DNAAF5: variants seen among roughly 807,000 people sequenced by gnomAD.
The protein encoded by DNAAF5 is dynein axonemal assembly factor 5, also known as HEAT repeat containing 2.
DNAAF5 carries 64 observed loss-of-function variants against 75.8 expected under a neutral mutation model. The ratio of observed to expected loss-of-function variants is 0.84; its 90% CI spans 0.69 to 1.04. DNAAF5 has a LOEUF of 1.04. Among genes scored for constraint, DNAAF5 ranks in the 50% least tolerant of loss-of-function variants. The pLI, the probability that DNAAF5 is intolerant of heterozygous loss-of-function variation, is 0.00. For missense variants in DNAAF5, 1,269 were observed against 1,178.5 expected (o/e 1.08, Z -1.12); for synonymous variants, 657 against 557.2 (o/e 1.18, Z -2.52).
chr7:752,208 C>T (rs1226894601), intron 4 of DNAAF5, among the ~76,000 whole-genome samples: 1 of 152,252 alleles, frequency 6.6e-6, no homozygotes, highest in African/African-American at 2.4e-5. Flanking sequence ...CACTCATACA[C>T]CAGAAAGTGA....
chr7:779,484 C>A (rs959854641), intron 11 of DNAAF5, among the ~76,000 whole-genome samples: 3 of 152,244 alleles, frequency 2.0e-5, no homozygotes, highest in Non-Finnish European at 2.9e-5. Context: ...GATCATCCTT[C>A]TGTTTTCAGC....
rs1032082004 is a variant in DNAAF5, at chr7:774,210, C to T, written c.2082+12C>T. The T allele has an allele frequency of 1.1e-5, 18 of 1,596,704 alleles. No homozygotes were observed. The highest frequency in any genetic ancestry group is 1.5e-5 in the Non-Finnish European group (18 of 1,175,014). ...TGTCGGCAGAGCAGGTACGGGGCTC[C>T]CTGCGTGCTCGGTGGACACCGGCCG... On this transcript the variant is annotated intron_variant, in intron 10 of 12. Coordinates refer to ENST00000297440, the MANE Select transcript of DNAAF5 (RefSeq NM_017802.4).
chr7:732,794 C>T (rs1407606803), intron 2 of DNAAF5, among the ~76,000 whole-genome samples: 2 of 152,148 alleles, frequency 1.3e-5, no homozygotes, highest in Non-Finnish European at 2.9e-5. Flanking sequence ...GTTGTCTCCT[C>T]ACTATTGATT....
chr7:744,464 A>T (rs181054075), intron 4 of DNAAF5, among the ~76,000 whole-genome samples: 43 of 152,346 alleles, frequency 2.8e-4, no homozygotes, highest in African/African-American at 8.7e-4. Flanking sequence ...CAGTAATGGG[A>T]TGGCTGGGTC....
At chr7:783,959 G>T (rs1214939100) in intron 12 of DNAAF5, among the ~76,000 whole-genome samples, 1 of 149,540 alleles carries the variant, frequency 6.7e-6, no homozygotes, top group Non-Finnish European at 1.5e-5. Flanking sequence ...CCCACTGCAC[G>T]GTACAGGCCA....
intron 4 of DNAAF5, among the ~76,000 whole-genome samples, chr7:748,305 T>C (rs893727678): frequency 1.3e-5 from 2 of 150,068 alleles, no homozygotes; most frequent in African/African-American, 4.9e-5. Context: ...GGTTTGCTGG[T>C]TTCAGCGTGT....
In DNAAF5 at chr7:754,504, G is replaced by A. The variant is rs755275534; in HGVS notation, c.1025-85G>A. The A allele has an allele frequency of 2.0e-5, 22 of 1,102,924 alleles. No individual in the cohort carries two copies. The highest frequency in any genetic ancestry group is 6.8e-6 in the Non-Finnish European group (5 of 731,986). 68.3% of individuals were successfully genotyped at this position (1,102,924 alleles called of 1,614,324 possible). A position where few individuals can be genotyped will look rare whatever the true frequency, so the allele number is the denominator to read the frequency against. On this transcript the variant is annotated intron_variant, in intron 4 of 12. Transcript: ENST00000297440. The surrounding 1 kb of genome is among the most constrained non-coding windows in gnomAD (Gnocchi z 4.8). ...AATGGTGAGGTTGAAACTCACAGGT[G>A]TCCCTTAAATGTGATGTGCGGTAAC...
chr7:756,092 G>A (rs1257289599), intron 5 of DNAAF5, among the ~76,000 whole-genome samples: 2 of 107,928 alleles, frequency 1.9e-5, no homozygotes, highest in African/African-American at 7.0e-5. Context: ...AGGGGCTGGT[G>A]TGTGTGTGAT....
Position 735,179 on chromosome 7 carries a change from T to C in DNAAF5, c.780+5332T>C, listed in dbSNP as rs867813474. ...GTGTAGTTCATGGTGTAGCTGCTCA[T>C]GGTGTAGCTGCTCACGGTGTAGCTG... On this transcript the variant is annotated intron_variant, in intron 2 of 12. Transcript: ENST00000297440. Among the ~76,000 whole-genome samples, 813 of 147,432 alleles carry C rather than the reference T, an allele frequency of 5.5e-3. 13 individuals carry two copies. Among genetic ancestry groups the C allele is most frequent in the African/African-American group, 0.019 (755 of 39,782 alleles).
chr7:764,346 CCT>C (rs1782756045), intron 8 of DNAAF5, among the ~76,000 whole-genome samples: 1 of 152,220 alleles, frequency 6.6e-6, no homozygotes, highest in Admixed American at 6.5e-5. Context: ...AGCCCCAGCC[CCT>C]CTGAGACCAG....
chr7:753,877 C>T (rs1782392649), intron 4 of DNAAF5, among the ~76,000 whole-genome samples: 2 of 142,900 alleles, frequency 1.4e-5, no homozygotes, highest in Admixed American at 7.0e-5. Flanking sequence ...GACGGCTTCG[C>T]AGGCGTCTCT....
intron 1 of DNAAF5, among the ~76,000 whole-genome samples, chr7:728,104 T>C (rs1281268542): frequency 1.8e-4 from 28 of 152,226 alleles, no homozygotes; most frequent in East Asian, 1.2e-3. Context: ...CCCTCCACTT[T>C]ATAACGTTCC....
At chr7:735,593 T>G (rs1167638590) in intron 2 of DNAAF5, among the ~76,000 whole-genome samples, 1 of 152,242 alleles carries the variant, frequency 6.6e-6, no homozygotes, top group East Asian at 1.9e-4. Context: ...GTGTAGTTGC[T>G]CACAGTCTCT....
At chr7:767,378 C>G (rs79272827) in intron 8 of DNAAF5, among the ~76,000 whole-genome samples, 21,088 of 152,030 alleles carry the variant, frequency 0.14, 1,681 homozygotes, top group East Asian at 0.28. Context: ...TCTGGAATTG[C>G]CAATGTCTTC....
chr7:728,402 T>C (rs886196111), intron 1 of DNAAF5, among the ~76,000 whole-genome samples: 3 of 152,180 alleles, frequency 2.0e-5, no homozygotes, highest in Non-Finnish European at 4.4e-5. Flanking sequence ...ATAGAAGTGA[T>C]AGACCCGAGT....
intron 12 of DNAAF5, 139 bp from the exon 13 acceptor site, chr7:785,378 A>G (rs1779114271): frequency 1.5e-5 from 13 of 892,158 alleles, no homozygotes; most frequent in Middle Eastern, 4.6e-4. Flanking sequence ...TGACTACTGT[A>G]TGTCCACCCA....
chr7:757,759 T>A (rs1782531103), intron 6 of DNAAF5, among the ~76,000 whole-genome samples: 1 of 152,284 alleles, frequency 6.6e-6, no homozygotes, highest in African/African-American at 2.4e-5. Context: ...CCCAGATATT[T>A]CTGGGACACA....
chr7:782,815 G>A (rs542489714), intron 12 of DNAAF5, among the ~76,000 whole-genome samples: 1 of 150,952 alleles, frequency 6.6e-6, no homozygotes, highest in African/African-American at 2.4e-5. Context: ...CGGTCTTCCT[G>A]CCATGGCCAC....
chr7:729,226 C>T (rs1384619002), intron 1 of DNAAF5, among the ~76,000 whole-genome samples: 5 of 152,186 alleles, frequency 3.3e-5, no homozygotes, highest in Non-Finnish European at 7.4e-5. Flanking sequence ...GCTGGCCCAG[C>T]TTCCTGGAGG....
Sources: gnomAD v4.1 joint callset for allele counts (sites outside exome capture counted in the v4.1 genomes callset) on GRCh38, gnomAD v4.1.1 for gene constraint, Gnocchi (gnomAD v3.1) non-coding constraint, MANE v1.5 for transcripts, NCBI Gene and HGNC (gene_info 2026-07-23, HGNC 2026-07-21) for gene names.